Variants in EPHA4 observed in about 807,000 individuals in gnomAD.
EPHA4 encodes ephrin type-A receptor 4.
A neutral mutation model predicts 108.3 loss-of-function variants in EPHA4; 19 were observed. The ratio of observed to expected loss-of-function variants is 0.18; its 90% confidence interval spans 0.12 to 0.26. The LOEUF is 0.26. EPHA4 is among the 10% of genes least tolerant of loss of function. EPHA4 has a pLI of 1.00. For missense variants in EPHA4, 917 were observed against 1,254.0 expected (o/e 0.73, Z 4.06); for synonymous variants, 449 against 455.5 (o/e 0.99, Z 0.18).
intron 4 of EPHA4, among the ~76,000 whole-genome samples, chr2:221,486,090 C>T (rs1451921285): frequency 6.6e-6 from 1 of 152,074 alleles, no homozygotes; most frequent in Non-Finnish European, 1.5e-5. Context: ...GAAATATGTC[C>T]ACCTGCGAGT....
intron 3 of EPHA4, among the ~76,000 whole-genome samples, chr2:221,533,341 C>G (rs1173039910): frequency 6.6e-6 from 1 of 152,062 alleles, no homozygotes; most frequent in East Asian, 1.9e-4. Context: ...GTTTGTGGAC[C>G]TTTGCTAATA....
Position 221,564,414 on chromosome 2 carries a change from A to T in EPHA4, c.160-20T>A. The T allele has an allele frequency of 6.3e-7, 1 of 1,589,616 alleles. No homozygotes were observed. Among genetic ancestry groups the T allele is most frequent in the Non-Finnish European group, 8.6e-7 (1 of 1,163,384 alleles). The stretch of plus-strand genomic sequence containing the variant: ...CTCCCACTGCAAAGATCCAAAGCAG[A>T]TGTATCAACTACAAAGTTTCATCAT... On this transcript the variant is annotated intron_variant, in intron 2 of 17. Coordinates refer to ENST00000281821, the MANE Select transcript of EPHA4 (RefSeq NM_004438.5).
chr2:221,446,237 C>T, intron 8 of EPHA4, 56 bp from the exon 9 acceptor site: 4 of 1,105,312 alleles, frequency 3.6e-6, no homozygotes, highest in Non-Finnish European at 5.0e-6. Flanking sequence ...TAAGCTTTAA[C>T]ACATGCCATA....
chr2:221,474,110 A>G (rs1691582712), intron 5 of EPHA4, among the ~76,000 whole-genome samples: 1 of 152,164 alleles, frequency 6.6e-6, no homozygotes, highest in Non-Finnish European at 1.5e-5. Context: ...AATAATTACC[A>G]CTACGTTCTA....
chr2:221,456,513 C>A (rs1353660485), intron 7 of EPHA4, 100 bp downstream of exon 7: 2 of 1,316,268 alleles, frequency 1.5e-6, no homozygotes, highest in African/African-American at 1.5e-5. Context: ...GTCTGCTGAA[C>A]CAAAAATTAC....
intron 4 of EPHA4, among the ~76,000 whole-genome samples, chr2:221,483,937 C>CT (rs1691905111): frequency 6.6e-6 from 1 of 152,156 alleles, no homozygotes; most frequent in South Asian, 2.1e-4. Flanking sequence ...CACACTCAAA[C>CT]GAGACATAGC....
intron 5 of EPHA4, among the ~76,000 whole-genome samples, chr2:221,475,326 T>C (rs889484247): frequency 1.3e-5 from 2 of 152,206 alleles, no homozygotes; most frequent in African/African-American, 4.8e-5. Context: ...AAATTTGTGG[T>C]TCAAGAAAGC....
intron 2 of EPHA4, among the ~76,000 whole-genome samples, chr2:221,565,750 C>T (rs1391070355): frequency 6.6e-6 from 1 of 152,088 alleles, no homozygotes; most frequent in African/African-American, 2.4e-5. Flanking sequence ...TTCTTTTTAT[C>T]CAGTAAGCAA....
At chr2:221,452,732 A>T (rs1690826465) in intron 8 of EPHA4, among the ~76,000 whole-genome samples, 1 of 151,712 alleles carries the variant, frequency 6.6e-6, no homozygotes, top group African/African-American at 2.4e-5. Flanking sequence ...AATGGGGGAG[A>T]AGGGACAGGA....
In EPHA4 at chr2:221,572,062, C is replaced by A. The variant is rs975217528; in HGVS notation, c.91+96G>T. 2.9e-6 allele frequency: 3 copies of A among 1,018,994 alleles called. No homozygotes were observed. In the African/African-American group the frequency reaches 4.7e-5, roughly 16 times the overall value. The allele number at this position is 1,018,994 out of a possible 1,614,324, so 63.1% of individuals were successfully genotyped here. ...ATCGGGACGCACCATTCACACTGGG[C>A]TCCCCCCGCACCACCTGGCCCTGCG... On this transcript the variant is annotated intron_variant, in intron 1 of 17. Coordinates refer to ENST00000281821, the MANE Select transcript of EPHA4 (RefSeq NM_004438.5).
intron 4 of EPHA4, among the ~76,000 whole-genome samples, chr2:221,495,695 C>T (rs1055084036): frequency 2.0e-5 from 3 of 152,176 alleles, no homozygotes; most frequent in African/African-American, 4.8e-5. Flanking sequence ...TTCTCTTAAG[C>T]TCTCCAGCAG....
rs1694852024 is a variant in EPHA4 at position 221,571,955 on chromosome 2, G to A, written c.91+203C>T. Among the ~76,000 whole-genome samples the A allele has an allele frequency of 6.6e-6, 1 of 152,110 alleles. No individual in the cohort carries two copies. Among genetic ancestry groups the A allele is most frequent in the Non-Finnish European group, 1.5e-5 (1 of 68,028 alleles). On this transcript the variant is annotated intron_variant, in intron 1 of 17. Coordinates refer to ENST00000281821, the MANE Select transcript of EPHA4 (RefSeq NM_004438.5). The surrounding 1 kb of genome is among the most constrained non-coding windows in gnomAD (Gnocchi z 6.3). ...ACTTGGACAGACCCGCCGCGTGCAC[G>A]GGTCACCGCCTCGGGGCAGGCTGTC...
At chr2:221,549,725 G>A (rs1458294550) in intron 3 of EPHA4, among the ~76,000 whole-genome samples, 1 of 152,194 alleles carries the variant, frequency 6.6e-6, no homozygotes, top group Non-Finnish European at 1.5e-5. Context: ...CATGGCTCAC[G>A]CCTGTAATCC....
chr2:221,424,140 A>AT (rs34786402), intron 17 of EPHA4, among the ~76,000 whole-genome samples: 1,679 of 147,064 alleles, frequency 0.011, 41 homozygotes, highest in Admixed American at 0.054. Flanking sequence ...AATAATAATA[A>AT]TTTTTTTTTT....
intron 3 of EPHA4, among the ~76,000 whole-genome samples, chr2:221,553,592 C>T (rs756907514): frequency 1.4e-4 from 21 of 152,150 alleles, no homozygotes; most frequent in Non-Finnish European, 2.8e-4. Context: ...AGCAGGGAAG[C>T]GATTGTTACA....
chr2:221,418,645 T>C lies in EPHA4; in HGVS notation c.*2727A>G, dbSNP rs967112331. 5.9e-5 allele frequency: 9 copies of C among 152,502 alleles called. No individual in the cohort carries two copies. The highest frequency in any genetic ancestry group is 1.9e-4 in the East Asian group (1 of 5,202). 9.4% of individuals were successfully genotyped at this position (152,502 alleles called of 1,614,324 possible). ...CCACCAGAACATTTCACTCGTAAGA[T>C]TGCTAAAAAATAACTTGGGGCCTGC... On this transcript the variant is annotated 3_prime_UTR_variant, in exon 18 of 18. Transcript: ENST00000281821.
chr2:221,519,067 T>C (rs1029692807), intron 3 of EPHA4, among the ~76,000 whole-genome samples: 4 of 152,102 alleles, frequency 2.6e-5, no homozygotes, highest in Non-Finnish European at 5.9e-5. Flanking sequence ...CCTTGGGAGC[T>C]CAGGCAGATA....
chr2:221,545,223 G>A (rs1693956248), intron 3 of EPHA4, among the ~76,000 whole-genome samples: 1 of 22,772 alleles, frequency 4.4e-5, no homozygotes, highest in Non-Finnish European at 8.6e-5. Flanking sequence ...CGAGGTGGGC[G>A]GATCACGAGG....
At chr2:221,563,356 A>T (rs2106208564) in intron 3 of EPHA4, among the ~76,000 whole-genome samples, 1 of 152,322 alleles carries the variant, frequency 6.6e-6, no homozygotes, top group South Asian at 2.1e-4. Flanking sequence ...AATCTTTGTC[A>T]TTTTACCAAG....
Sources: allele counts gnomAD v4.1 joint callset (sites outside exome capture counted in the v4.1 genomes callset), GRCh38; gene constraint gnomAD v4.1.1; non-coding constraint Gnocchi (gnomAD v3.1); transcripts MANE v1.5; gene names NCBI Gene and HGNC (gene_info 2026-07-23, HGNC 2026-07-21).